BAZ1B: variants seen among roughly 807,000 people sequenced by gnomAD.
BAZ1B encodes bromodomain adjacent to zinc finger domain 1B.
Under a neutral mutation model 153.8 loss-of-function variants are expected in BAZ1B, and 22 were observed. That is an observed-to-expected ratio of 0.14 (90% CI 0.10 to 0.20). The LOEUF (loss-of-function observed/expected upper bound fraction) is 0.20, where lower values mean the gene tolerates loss of function less well. Among genes scored for constraint, BAZ1B ranks in the 10% least tolerant of loss-of-function variants. The pLI is 1.00. For synonymous variants in BAZ1B, 676 were observed against 633.4 expected (o/e 1.07, Z -1.01); for missense variants, 1,325 against 1,799.3 (o/e 0.74, Z 4.77).
At chr7:73,443,609 G>A (rs1056097485) in intron 17 of BAZ1B, among the ~76,000 whole-genome samples, 6 of 152,198 alleles carry the variant, frequency 3.9e-5, no homozygotes, top group Non-Finnish European at 8.8e-5. Flanking sequence ...GGAGGGTAAT[G>A]TCCCTCCCAT....
intron 3 of BAZ1B, among the ~76,000 whole-genome samples, chr7:73,502,370 CACACTT>C (rs1554577272): frequency 6.6e-6 from 1 of 150,834 alleles, no homozygotes; most frequent in Non-Finnish European, 1.5e-5. Flanking sequence ...TTTTTTTTAT[CACACTT>C]AGAGTGCAAA....
chr7:73,508,385 T>A lies in BAZ1B; in HGVS notation c.311A>T (p.Asp104Val). The stretch of plus-strand genomic sequence containing the variant: ...GGTCATGATCTCCAACCAAGCAGTA[T>A]CTACTAACTTCTCTAAGGAGGCTGT... ...HNTASLEKLV[D>V]TAWLEIMTKY... The change falls in exon 3 of 20, where the codon GAT becomes GTT. Residue 104 changes from aspartate to valine, a missense_variant. Asp to Val is a radical substitution (Grantham distance 152). Coordinates refer to ENST00000339594, the MANE Select transcript of BAZ1B (RefSeq NM_032408.4). The A allele has an allele frequency of 6.2e-7, 1 of 1,613,990 alleles. No homozygotes were observed. Among genetic ancestry groups the A allele is most frequent in the Non-Finnish European group, 8.5e-7 (1 of 1,179,958 alleles).
At chr7:73,443,016 G>C (rs1353685516) in intron 17 of BAZ1B, among the ~76,000 whole-genome samples, 188 bp from the exon 18 acceptor site, 1 of 152,204 alleles carries the variant, frequency 6.6e-6, no homozygotes, top group Non-Finnish European at 1.5e-5. Flanking sequence ...CATCTTCCCA[G>C]TAGTCCACTC....
intron 19 of BAZ1B, 151 bp from the exon 20 acceptor site, chr7:73,441,844 G>T: frequency 3.2e-6 from 1 of 311,456 alleles, no homozygotes; most frequent in Non-Finnish European, 5.9e-6. Context: ...CCCTCCCCTG[G>T]AGACCAGAGG....
At chr7:73,452,768 G>A (rs886209917) in intron 13 of BAZ1B, among the ~76,000 whole-genome samples, 10 of 149,792 alleles carry the variant, frequency 6.7e-5, no homozygotes, top group African/African-American at 9.8e-5. Context: ...CAGGCTCCTC[G>A]ACTTATGATA....
At chr7:73,457,466 C>T (rs1476334839) in intron 13 of BAZ1B, among the ~76,000 whole-genome samples, 1 of 152,186 alleles carries the variant, frequency 6.6e-6, no homozygotes, top group East Asian at 1.9e-4. Flanking sequence ...GCGTGAGCCA[C>T]CACGCCCGGC....
intron 1 of BAZ1B, among the ~76,000 whole-genome samples, chr7:73,521,387 G>C (rs550158233): frequency 1.8e-4 from 27 of 152,268 alleles, no homozygotes; most frequent in African/African-American, 5.3e-4. Context: ...GAGGCCGCGC[G>C]AGTACAATTT....
At chr7:73,486,684 T>C (rs963150001) in intron 6 of BAZ1B, among the ~76,000 whole-genome samples, 1 of 152,126 alleles carries the variant, frequency 6.6e-6, no homozygotes, top group Non-Finnish European at 1.5e-5. Flanking sequence ...CTACAGTAAA[T>C]GTACTCAGAG....
chr7:73,516,942 A>G (rs1460971024), intron 1 of BAZ1B, among the ~76,000 whole-genome samples: 1 of 152,094 alleles, frequency 6.6e-6, no homozygotes, highest in Non-Finnish European at 1.5e-5. Flanking sequence ...GCACTTTGGG[A>G]GGCTGAGGCC....
intron 4 of BAZ1B, 43 bp downstream of exon 4, chr7:73,498,454 C>G: frequency 1.3e-6 from 2 of 1,559,036 alleles, no homozygotes; most frequent in Middle Eastern, 1.8e-4. Context: ...ATAAAATAAA[C>G]AGGATCTCAT....
chr7:73,459,567 T>C lies in BAZ1B; in HGVS notation c.3401A>G (p.Asp1134Gly). 6.2e-7 allele frequency: 1 copy of C among 1,613,746 alleles called. No homozygotes were observed. The highest frequency in any genetic ancestry group is 8.5e-7 in the Non-Finnish European group (1 of 1,179,976). Residue 1134 changes from aspartate to glycine, a missense_variant, in exon 13 of 20, where the codon GAT (aspartate) becomes GGT (glycine). Asp to Gly is a moderately conservative substitution (Grantham distance 94, BLOSUM62 -1). This residue lies in a region of BAZ1B where 431 missense variants were observed against 563.5 expected (regional missense o/e 0.76). Coordinates refer to ENST00000339594, the MANE Select transcript of BAZ1B (RefSeq NM_032408.4). The stretch of plus-strand genomic sequence containing the variant: ...TTCCTCTACCATTTTCTTCTCTTCA[T>C]CCACTTCCTCAGTTTTTGCTGAATC... ...SEDSAKTEEV[D>G]EEKKMVEEAK...
Position 73,522,164 on chromosome 7 carries a change from C to T in BAZ1B, c.-231G>A. 2.5e-6 allele frequency: 1 copy of T among 396,356 alleles called. No individual in the cohort carries two copies. The highest frequency in any genetic ancestry group is 4.4e-6 in the Non-Finnish European group (1 of 224,980). 24.6% of individuals were successfully genotyped at this position (396,356 alleles called of 1,614,324 possible). ...CGCACACCGCCGCGCCTCCCAGCAG[C>T]CCCCCGCCGACCTCCGCTTCGGGTC... On this transcript the variant is annotated 5_prime_UTR_variant, in exon 1 of 20. Coordinates refer to ENST00000339594, the MANE Select transcript of BAZ1B (RefSeq NM_032408.4).
chr7:73,497,075 A>G (rs1445687183), intron 4 of BAZ1B, among the ~76,000 whole-genome samples: 1 of 150,950 alleles, frequency 6.6e-6, no homozygotes, highest in African/African-American at 2.4e-5. Context: ...CAAAAAAAAA[A>G]AAAAAAAACC....
At position 73,460,144 on chromosome 7, in the gene BAZ1B, G is replaced by A. The variant is rs782313261; in HGVS notation, c.3250-426C>T. ...GAGGAGGTTGCAGTGAGCCAAGATCGTGCTACTGTACTCCAGTCTGGGTGA... is the reference window on the plus strand; with the variant it reads ...GAGGAGGTTGCAGTGAGCCAAGATCATGCTACTGTACTCCAGTCTGGGTGA... On this transcript the variant is annotated intron_variant, in intron 12 of 19. Transcript: ENST00000339594. Among the ~76,000 whole-genome samples, 121 of 146,696 alleles carry A rather than the reference G, an allele frequency of 8.2e-4. 2 individuals are homozygous for A. The highest frequency in any genetic ancestry group is 2.2e-4 in the Non-Finnish European group (15 of 67,182).
chr7:73,470,396 G>A lies in BAZ1B; in HGVS notation c.2681C>T (p.Ala894Val), dbSNP rs1554571826. 1 of 1,614,084 alleles carries A rather than the reference G, an allele frequency of 6.2e-7. No individual in the cohort carries two copies. Among genetic ancestry groups the A allele is most frequent in the Admixed American group, 1.7e-5 (1 of 60,006 alleles). Residue 894 changes from alanine (A) to valine (V), a missense_variant, in exon 8 of 20, where the codon GCC becomes GTC. Transcript: ENST00000339594. ...AGGAGTCCTGCGCATGACTAGTTTGGCCTTGGCAATCCCTTCCTGGAAAGC... is the reference window on the plus strand; with the variant it reads ...AGGAGTCCTGCGCATGACTAGTTTGACCTTGGCAATCCCTTCCTGGAAAGC... ...EKAFQEGIAK[A>V]KLVMRRTPIG...
At chr7:73,500,217 C>T (rs1790070122) in intron 3 of BAZ1B, among the ~76,000 whole-genome samples, 1 of 152,086 alleles carries the variant, frequency 6.6e-6, no homozygotes, top group Admixed American at 6.6e-5. Flanking sequence ...AAACTAAAAA[C>T]TGCTCTTCAA....
chr7:73,448,299 C>T (rs1421923555), intron 15 of BAZ1B, among the ~76,000 whole-genome samples: 1 of 152,108 alleles, frequency 6.6e-6, no homozygotes, highest in Non-Finnish European at 1.5e-5. Flanking sequence ...AGCGAAACTC[C>T]GTCTCAAAAA....
At chr7:73,493,620 C>G (rs1789743472) in intron 4 of BAZ1B, among the ~76,000 whole-genome samples, 1 of 151,848 alleles carries the variant, frequency 6.6e-6, no homozygotes, top group Non-Finnish European at 1.5e-5. Context: ...GCAGGCAGAT[C>G]CCCTGAGTCC....
At chr7:73,519,798 T>C (rs1486173255) in intron 1 of BAZ1B, among the ~76,000 whole-genome samples, 1 of 152,140 alleles carries the variant, frequency 6.6e-6, no homozygotes, top group Non-Finnish European at 1.5e-5. Context: ...CCTGAGAAAG[T>C]ATCATCTGAA....
Sources: allele counts gnomAD v4.1 joint callset (sites outside exome capture counted in the v4.1 genomes callset), GRCh38; gene constraint gnomAD v4.1.1; regional missense constraint gnomAD v4.1.1; transcripts MANE v1.5; gene names NCBI Gene and HGNC (gene_info 2026-07-23, HGNC 2026-07-21).